SCN8A: variants seen among roughly 807,000 people sequenced by gnomAD.
The protein encoded by SCN8A is sodium channel protein type 8 subunit alpha.
A neutral mutation model predicts 184.1 loss-of-function variants in SCN8A; 30 were observed. That is an observed-to-expected ratio of 0.16 (90% CI 0.12 to 0.22). The LOEUF (loss-of-function observed/expected upper bound fraction) is 0.22. SCN8A is among the 10% of genes least tolerant of loss of function. SCN8A has a pLI of 1.00. For synonymous variants in SCN8A, 852 were observed against 907.0 expected, an observed-to-expected ratio of 0.94 and a Z score of 1.09; for missense variants, 1,057 against 2,498.9, an observed-to-expected ratio of 0.42 and a Z score of 12.30.
At chr12:51,688,924 G>A in intron 5 of SCN8A, 81 bp from the exon 6 acceptor site, 1 of 1,576,418 alleles carries the variant, frequency 6.3e-7, no homozygotes, top group Admixed American at 1.7e-5. Flanking sequence ...TTGTTTTGTT[G>A]TGGTTTTGTT....
intron 3 of SCN8A, 112 bp from the exon 4 acceptor site, chr12:51,686,256 C>T: frequency 1.4e-6 from 1 of 700,672 alleles, no homozygotes; most frequent in Non-Finnish European, 2.5e-6. Context: ...TTCTGTGCTT[C>T]ATCTCCTTTC....
intron 1 of SCN8A, among the ~76,000 whole-genome samples, chr12:51,618,350 C>G (rs1292409123): frequency 1.3e-5 from 2 of 151,890 alleles, no homozygotes; most frequent in Non-Finnish European, 2.9e-5. Context: ...TTTTCTGTTT[C>G]TTGGACCAGA....
At chr12:51,621,498 G>T (rs1939961611) in intron 1 of SCN8A, among the ~76,000 whole-genome samples, 1 of 152,240 alleles carries the variant, frequency 6.6e-6, no homozygotes, top group Non-Finnish European at 1.5e-5. Flanking sequence ...ATGGGTATCA[G>T]ATGTTACCCA....
chr12:51,681,368 G>C (rs570801416), intron 2 of SCN8A, among the ~76,000 whole-genome samples: 5 of 152,266 alleles, frequency 3.3e-5, no homozygotes, highest in African/African-American at 1.2e-4. Flanking sequence ...AGTGTATAGA[G>C]GATAATAATT....
rs185667241 is a variant in SCN8A, at chr12:51,807,063, C to T, written c.5577C>T (p.Ser1859=). 95 of 1,613,932 alleles carry T rather than the reference C, an allele frequency of 5.9e-5. No homozygotes were observed. In the African/African-American group the frequency reaches 1.0e-3, roughly 18 times the overall value. ...TCACCAAGCGGGTCCTGGGAGATAG[C>T]GGGGAGTTGGACATCCTGCGGCAGC... The part of the protein sequence containing the change: ...FAFTKRVLGD[S]GELDILRQQM... Residue 1859 remains serine (S), a synonymous_variant, in exon 27 of 27, where the codon AGC becomes AGT. Transcript: ENST00000627620. This position sits in a 1 kb window ranked among gnomAD's most constrained non-coding sequence, Gnocchi z 4.5.
intron 15 of SCN8A, 66 bp from the exon 16 acceptor site, chr12:51,765,605 A>T: frequency 1.1e-6 from 1 of 934,770 alleles, no homozygotes; most frequent in Non-Finnish European, 1.6e-6. Context: ...TTTTTATTTT[A>T]GCCATGTGGT....
At chr12:51,771,120 A>T (rs182613571) in intron 19 of SCN8A, among the ~76,000 whole-genome samples, 1 of 152,224 alleles carries the variant, frequency 6.6e-6, no homozygotes, top group South Asian at 2.1e-4. Context: ...TACAAAGGTT[A>T]TTTATATTCA....
chr12:51,766,743 A>G (rs542445861), intron 16 of SCN8A, among the ~76,000 whole-genome samples: 2 of 152,370 alleles, frequency 1.3e-5, no homozygotes, highest in Admixed American at 6.5e-5. Flanking sequence ...TCTGAGGACT[A>G]GCAGCAACAA....
rs1005354669 is a variant in SCN8A, at chr12:51,667,910, G to A, written c.276+4817G>A. Among the ~76,000 whole-genome samples the A allele has an allele frequency of 4.6e-5, 7 of 152,280 alleles. No homozygotes were observed. The East Asian group carries it at 1.3e-3, about 29-fold the overall frequency. On this transcript the variant is annotated intron_variant, in intron 2 of 26. Transcript: ENST00000627620. ...TTAAAAAAATTATATATGGCCGGGC[G>A]TGGTGGTTCACGCCTGTAATCCCAG... is the stretch of plus-strand genomic sequence containing the variant.
At chr12:51,708,053 C>G (rs1170915257) in intron 11 of SCN8A, among the ~76,000 whole-genome samples, 1 of 152,192 alleles carries the variant, frequency 6.6e-6, no homozygotes, top group Non-Finnish European at 1.5e-5. Context: ...CTTTGGCAGA[C>G]TTGCTTGGCA....
rs1425489296 is a variant in SCN8A at position 51,799,939 on chromosome 12, G to T, written c.4795+5298G>T. Among the ~76,000 whole-genome samples, 2 of 152,174 alleles carry T rather than the reference G, an allele frequency of 1.3e-5. 1 individual carries two copies. The highest frequency in any genetic ancestry group is 4.2e-4 in the South Asian group (2 of 4,814). ...TAGTCTGATTTATTTCCCATCCCCT[G>T]GCACCCAAATGTCTCACCAGTAAGT... On this transcript the variant is annotated intron_variant, in intron 26 of 26. Transcript: ENST00000627620.
At chr12:51,661,337 G>T (rs1940921068) in intron 1 of SCN8A, among the ~76,000 whole-genome samples, 1 of 152,204 alleles carries the variant, frequency 6.6e-6, no homozygotes, top group Non-Finnish European at 1.5e-5. Context: ...TGGTCTATGT[G>T]GGGCAAACTT....
Position 51,806,489 on chromosome 12 carries a change from T to C in SCN8A, c.5003T>C (p.Phe1668Ser). The change falls in exon 27 of 27, where the codon TTT becomes TCT. Residue 1668 changes from phenylalanine to serine, a missense_variant. By Grantham distance (155) the Phe-to-Ser change is radical (BLOSUM62 -2). Coordinates refer to ENST00000627620, the MANE Select transcript of SCN8A (RefSeq NM_001330260.2). The surrounding 1 kb of genome is among the most constrained non-coding windows in gnomAD (Gnocchi z 8.7). The stretch of plus-strand genomic sequence containing the variant: ...CTGGTCATGTTCATCTTCTCCATTT[T>C]TGGGATGTCCAATTTTGCATATGTG... Reference protein sequence around the residue: ...LFLVMFIFSIFGMSNFAYVKH... With the variant: ...LFLVMFIFSISGMSNFAYVKH... 2 of 1,614,248 alleles carry C rather than the reference T, an allele frequency of 1.2e-6. No homozygotes were observed.
chr12:51,751,620 T>C (rs761583598), intron 14 of SCN8A, 27 bp downstream of exon 14: 18 of 1,528,630 alleles, frequency 1.2e-5, no homozygotes, highest in Admixed American at 1.7e-5. Flanking sequence ...TCTCCCGATA[T>C]TAGGATTGGA....
intron 1 of SCN8A, among the ~76,000 whole-genome samples, chr12:51,594,865 C>A (rs1490119410): frequency 1.3e-5 from 2 of 152,104 alleles, no homozygotes; most frequent in East Asian, 3.8e-4. Flanking sequence ...AAACTGAGCC[C>A]TTTAAGCTCT....
chr12:51,722,846 C>T (rs1285907560), intron 12 of SCN8A: 1 of 152,142 alleles, frequency 6.6e-6, no homozygotes, highest in Non-Finnish European at 1.5e-5. Context: ...TGGGAAGAGC[C>T]ATCTCCTAAC....
At chr12:51,716,713 T>C (rs2138771323) in intron 11 of SCN8A, among the ~76,000 whole-genome samples, 1 of 152,298 alleles carries the variant, frequency 6.6e-6, no homozygotes. Flanking sequence ...TTCCTGGCCA[T>C]ATTTCTCCGC....
At chr12:51,718,600 C>G (rs1316498087) in intron 11 of SCN8A, among the ~76,000 whole-genome samples, 2 of 151,962 alleles carry the variant, frequency 1.3e-5, no homozygotes, top group African/African-American at 2.4e-5. Flanking sequence ...GCCAATTGCT[C>G]TGACATTGAG....
intron 11 of SCN8A, 114 bp from the exon 12 acceptor site, chr12:51,721,432 C>A: frequency 9.1e-7 from 1 of 1,094,424 alleles, no homozygotes; most frequent in Non-Finnish European, 1.3e-6. Context: ...GTGTTCTGAT[C>A]ACAGGAGTGC....
Sources: allele counts gnomAD v4.1 joint callset (sites outside exome capture counted in the v4.1 genomes callset), GRCh38; gene constraint gnomAD v4.1.1; non-coding constraint Gnocchi (gnomAD v3.1); transcripts MANE v1.5; gene names NCBI Gene and HGNC (gene_info 2026-07-23, HGNC 2026-07-21).